Variants in GRIN2B observed in about 807,000 individuals in gnomAD.
GRIN2B encodes glutamate receptor ionotropic, NMDA 2B.
In GRIN2B, 5 loss-of-function variants were observed where a neutral mutation model predicts 114.5. That is an observed-to-expected ratio of 0.04 (90% CI 0.02 to 0.09). The LOEUF is 0.09. GRIN2B is among the 10% of genes least tolerant of loss of function. The pLI is 1.00. For synonymous variants in GRIN2B, 787 were observed against 745.1 expected, an observed-to-expected ratio of 1.06 and a Z score of -0.92; for missense variants, 1,108 against 1,943.5, an observed-to-expected ratio of 0.57 and a Z score of 8.08.
chr12:13,937,551 T>G (rs1481929564), intron 2 of GRIN2B, among the ~76,000 whole-genome samples: 1 of 151,350 alleles, frequency 6.6e-6, no homozygotes, highest in East Asian at 1.9e-4. Flanking sequence ...TCTCCAATAA[T>G]GAGAGAAAAG....
Position 13,866,138 on chromosome 12 carries a change from C to T in GRIN2B, c.71G>A (p.Ser24Asn), listed in dbSNP as rs1865824256. The change falls in exon 3 of 14, where the codon AGC (serine) becomes AAC (asparagine). Residue 24 changes from serine (S) to asparagine (N), a missense_variant. By Grantham distance (46) the Ser-to-Asn change is conservative. This residue lies in a region of GRIN2B where 46 missense variants were observed against 44.4 expected (regional missense o/e 1.04). Transcript: ENST00000609686. ...LVLAVLAVSG[S>N]RARSQKSPPS... ...GGGGCTCTTCTGAGAACGAGCTCTGCTGCCTGACACGGCCAGGACGGCCAA... is the reference window on the plus strand; with the variant it reads ...GGGGCTCTTCTGAGAACGAGCTCTGTTGCCTGACACGGCCAGGACGGCCAA... 1 of 1,613,416 alleles carries T rather than the reference C, an allele frequency of 6.2e-7. No homozygotes were observed. Among genetic ancestry groups the T allele is most frequent in the African/African-American group, 1.3e-5 (1 of 74,924 alleles).
chr12:13,626,891 C>T lies in GRIN2B; in HGVS notation c.1126-10234G>A, dbSNP rs576021192. On this transcript the variant is annotated intron_variant, in intron 5 of 13. Coordinates refer to ENST00000609686, the MANE Select transcript of GRIN2B (RefSeq NM_000834.5). ...GTGAACTGCCCCTTCCTCAACTCCA[C>T]CCATGTGATCCTGTGGAGGTTGCCA... Among the ~76,000 whole-genome samples the T allele has an allele frequency of 2.7e-5, 4 of 146,414 alleles. No individual in the cohort carries two copies. In the South Asian group the frequency reaches 9.0e-4, roughly 33 times the overall value.
intron 9 of GRIN2B, 75 bp from the exon 10 acceptor site, chr12:13,608,907 G>T: frequency 9.7e-7 from 1 of 1,034,252 alleles, no homozygotes. Flanking sequence ...AATACACAGG[G>T]TGAGTCCCTG....
intron 4 of GRIN2B, among the ~76,000 whole-genome samples, chr12:13,698,870 A>G (rs1488417996): frequency 6.6e-6 from 1 of 152,080 alleles, no homozygotes; most frequent in African/African-American, 2.4e-5. Context: ...TTTAGTAGAG[A>G]TGGGGTTTCA....
intron 3 of GRIN2B, among the ~76,000 whole-genome samples, chr12:13,807,264 A>T (rs1475725259): frequency 6.6e-6 from 1 of 152,120 alleles, no homozygotes; most frequent in Non-Finnish European, 1.5e-5. Context: ...AGTCTAAGTG[A>T]CAACCGTGCT....
At chr12:13,646,453 A>T (rs1203553837) in intron 5 of GRIN2B, among the ~76,000 whole-genome samples, 1 of 152,160 alleles carries the variant, frequency 6.6e-6, no homozygotes, top group Admixed American at 6.5e-5. Context: ...CCCAAAGGGG[A>T]CCACACTGGG....
chr12:13,563,420 G>A lies in GRIN2B; in HGVS notation c.3818C>T (p.Thr1273Met). 4 of 1,614,172 alleles carry A rather than the reference G, an allele frequency of 2.5e-6. No homozygotes were observed. The highest frequency in any genetic ancestry group is 2.5e-6 in the Non-Finnish European group (3 of 1,180,030). Residue 1273 changes from threonine to methionine, a missense_variant, in exon 14 of 14, where the codon ACG becomes ATG. Coordinates refer to ENST00000609686, the MANE Select transcript of GRIN2B (RefSeq NM_000834.5). ...GTACTTAGTGGTGGAGGCGTTTGAC[G>A]TCACCGCCACTGGGGCAGCCGGCTG... ...LDQPAAPVAV[T>M]SNASTTKYPQ...
chr12:13,768,655 T>C (rs1047554994), intron 3 of GRIN2B, among the ~76,000 whole-genome samples: 10 of 152,214 alleles, frequency 6.6e-5, no homozygotes, highest in South Asian at 4.1e-4. Context: ...TCGTAGTAAA[T>C]TGCCTGGTAT....
chr12:13,829,393 A>G (rs1221484067), intron 3 of GRIN2B, among the ~76,000 whole-genome samples: 3 of 152,148 alleles, frequency 2.0e-5, no homozygotes, highest in African/African-American at 4.8e-5. Flanking sequence ...GTTGAGTTAC[A>G]TATTGTTTAT....
At chr12:13,844,542 A>G (rs1409761762) in intron 3 of GRIN2B, among the ~76,000 whole-genome samples, 1 of 152,198 alleles carries the variant, frequency 6.6e-6, no homozygotes, top group African/African-American at 2.4e-5. Context: ...CTGTGCTGAC[A>G]TGGCACCACT....
intron 5 of GRIN2B, among the ~76,000 whole-genome samples, chr12:13,618,430 A>AT (rs963144848): frequency 9.9e-5 from 15 of 151,956 alleles, no homozygotes; most frequent in Admixed American, 5.9e-4. Flanking sequence ...GTCCCTTTTG[A>AT]TTTTTTTTCT....
At chr12:13,790,946 G>C (rs1864309227) in intron 3 of GRIN2B, among the ~76,000 whole-genome samples, 1 of 152,166 alleles carries the variant, frequency 6.6e-6, no homozygotes, top group African/African-American at 2.4e-5. Flanking sequence ...GGAGTGACGA[G>C]GCTGGAACCC....
At chr12:13,935,258 C>T (rs1229290767) in intron 2 of GRIN2B, among the ~76,000 whole-genome samples, 1 of 152,202 alleles carries the variant, frequency 6.6e-6, no homozygotes, top group African/African-American at 2.4e-5. Context: ...CAAATCTTGA[C>T]TATAAGCCAT....
Position 13,567,196 on chromosome 12 carries a change from C to T in GRIN2B, c.2427G>A (p.Met809Ile). The T allele has an allele frequency of 6.2e-7, 1 of 1,614,192 alleles. No homozygotes were observed. Among genetic ancestry groups the T allele is most frequent in the Non-Finnish European group, 8.5e-7 (1 of 1,180,024 alleles). ...GICHNEKNEVMSSQLDIDNMA... is the reference protein window; with the variant it reads ...GICHNEKNEVISSQLDIDNMA... The stretch of plus-strand genomic sequence containing the variant: ...TGTTGTCAATGTCCAGCTGGCTGCT[C>T]ATGACCTCATTCTTCTCATTGTGAC... The change falls in exon 13 of 14, where the codon ATG becomes ATA. Residue 809 changes from methionine to isoleucine, a missense_variant. Met to Ile is a conservative substitution (Grantham distance 10). Coordinates refer to ENST00000609686, the MANE Select transcript of GRIN2B (RefSeq NM_000834.5).
At chr12:13,899,880 C>T (rs1214754143) in intron 2 of GRIN2B, among the ~76,000 whole-genome samples, 2 of 105,970 alleles carry the variant, frequency 1.9e-5, no homozygotes, top group African/African-American at 5.3e-5. Flanking sequence ...GTCTTTGAGT[C>T]TATGATGATC....
Position 13,563,481 on chromosome 12 carries a change from C to T in GRIN2B, c.3757G>A (p.Asp1253Asn). ...EACKKAGNLYDISEDNSLQEL... is the reference protein window; with the variant it reads ...EACKKAGNLYNISEDNSLQEL... ...TGCAGGGAGTTGTCCTCACTGATGTCATACAGGTTGCCTGCTTTCTTGCAA... is the reference window on the plus strand; with the variant it reads ...TGCAGGGAGTTGTCCTCACTGATGTTATACAGGTTGCCTGCTTTCTTGCAA... Residue 1253 changes from aspartate to asparagine, a missense_variant, in exon 14 of 14, where the codon GAC becomes AAC. Asp to Asn is a conservative substitution (Grantham distance 23). This residue lies in a region of GRIN2B where 478 missense variants were observed against 506.0 expected (regional missense o/e 0.94). Coordinates refer to ENST00000609686, the MANE Select transcript of GRIN2B (RefSeq NM_000834.5). 1 of 1,614,186 alleles carries T rather than the reference C, an allele frequency of 6.2e-7. No homozygotes were observed. The highest frequency in any genetic ancestry group is 8.5e-7 in the Non-Finnish European group (1 of 1,180,034).
chr12:13,942,238 G>A (rs1238742086), intron 2 of GRIN2B, among the ~76,000 whole-genome samples: 2 of 152,122 alleles, frequency 1.3e-5, no homozygotes, highest in African/African-American at 4.8e-5. Flanking sequence ...GGGGAGGACA[G>A]CCCAGAACTT....
intron 10 of GRIN2B, among the ~76,000 whole-genome samples, chr12:13,599,131 G>T (rs941787304): frequency 6.6e-6 from 1 of 152,166 alleles, no homozygotes; most frequent in African/African-American, 2.4e-5. Context: ...GGAAACATCC[G>T]AGACTATAGT....
chr12:13,790,309 A>G (rs1011084522), intron 3 of GRIN2B, among the ~76,000 whole-genome samples: 1 of 152,014 alleles, frequency 6.6e-6, no homozygotes, highest in Admixed American at 6.6e-5. Context: ...GTGTCCTCTC[A>G]TCCCCTCCCA....
Sources: gnomAD v4.1 joint callset for allele counts (sites outside exome capture counted in the v4.1 genomes callset) on GRCh38, gnomAD v4.1.1 for gene constraint, gnomAD v4.1.1 regional missense constraint, MANE v1.5 for transcripts, NCBI Gene and HGNC (gene_info 2026-07-23, HGNC 2026-07-21) for gene names.